TRMT9B: variants seen among roughly 807,000 people sequenced by gnomAD.
TRMT9B encodes tRNA methyltransferase 9B (putative).
Under a neutral mutation model 11.5 loss-of-function variants are expected in TRMT9B, and 16 were observed. That is an observed-to-expected ratio of 1.39 (90% CI 0.94 to 2.11). TRMT9B has a LOEUF of 2.11. Among genes scored for constraint, TRMT9B ranks in the 30% most tolerant of loss-of-function variants. The probability of loss-of-function intolerance (pLI) is 0.00; values close to 1 mark genes in which losing one functional copy is unlikely to be tolerated. For missense variants in TRMT9B, 941 were observed against 553.8 expected, an observed-to-expected ratio of 1.70 and a Z score of -7.02; for synonymous variants, 274 against 192.4, an observed-to-expected ratio of 1.42 and a Z score of -3.51.
rs891152153 is a variant in TRMT9B, at chr8:13,021,665, C to A, written c.986C>A (p.Thr329Asn). ...TTGGAGTGGCTGAGAGCACCAGGCA[C>A]TCTGAAACATTTAAATGGAGACCAT... Reference protein sequence around the residue: ...KHLEWLRAPGTLKHLNGDHQG... With the variant: ...KHLEWLRAPGNLKHLNGDHQG... The change falls in exon 5 of 5, where the codon ACT becomes AAT. Residue 329 changes from threonine to asparagine, a missense_variant. Thr to Asn is a moderately conservative substitution (Grantham distance 65, BLOSUM62 0). Transcript: ENST00000524591. The A allele has an allele frequency of 1.2e-6, 2 of 1,613,664 alleles. No homozygotes were observed. Among genetic ancestry groups the A allele is most frequent in the Non-Finnish European group, 1.7e-6 (2 of 1,179,856 alleles).
At chr8:12,971,286 C>G (rs1019663020) in intron 1 of TRMT9B, among the ~76,000 whole-genome samples, 1 of 147,766 alleles carries the variant, frequency 6.8e-6, no homozygotes, top group African/African-American at 2.5e-5. Flanking sequence ...TTTGATATTT[C>G]TTTATTTCTA....
chr8:12,960,810 G>A (rs1428314126), intron 1 of TRMT9B, among the ~76,000 whole-genome samples: 1 of 152,096 alleles, frequency 6.6e-6, no homozygotes. Flanking sequence ...CGAGTGTGGG[G>A]GTAAGAGAAG....
intron 4 of TRMT9B, among the ~76,000 whole-genome samples, chr8:13,013,683 C>T (rs895644421): frequency 6.6e-6 from 1 of 152,124 alleles, no homozygotes; most frequent in African/African-American, 2.4e-5. Flanking sequence ...CCGGGTGCAG[C>T]GGCTCATGCC....
At chr8:12,958,291 T>C (rs752719526) in intron 1 of TRMT9B, 1 of 152,232 alleles carries the variant, frequency 6.6e-6, no homozygotes, top group Non-Finnish European at 1.5e-5. Context: ...CTGCCGTGAA[T>C]ATGAGTGTAC....
intron 1 of TRMT9B, among the ~76,000 whole-genome samples, chr8:12,973,901 T>C (rs1804015471): frequency 6.6e-6 from 1 of 152,194 alleles, no homozygotes; most frequent in Admixed American, 6.5e-5. Flanking sequence ...GGCTCATACC[T>C]GTAATCCTAG....
rs887558632 is a variant in TRMT9B, at chr8:13,002,838, T to C, written c.-1-3364T>C. ...CCCAAGTACTTCCCACTTCCCAGGA[T>C]AGGGGTAGAGGTGCGGGGACAGAGG... On this transcript the variant is annotated intron_variant, in intron 2 of 4. Transcript: ENST00000524591. Among the ~76,000 whole-genome samples, 40 of 152,182 alleles carry C rather than the reference T, an allele frequency of 2.6e-4. 1 individual carries two copies. Among genetic ancestry groups the C allele is most frequent in the African/African-American group, 9.2e-4 (38 of 41,524 alleles).
chr8:12,999,290 C>T (rs57093364), intron 2 of TRMT9B, among the ~76,000 whole-genome samples: 43,352 of 132,388 alleles, frequency 0.33, 7,512 homozygotes, highest in Middle Eastern at 0.56. Context: ...CAGAGGGAGA[C>T]TCCATCTCAA....
At position 12,959,034 on chromosome 8, in the gene TRMT9B, T is replaced by C. The variant is rs533918510; in HGVS notation, c.-200+13068T>C. On this transcript the variant is annotated intron_variant, in intron 1 of 4. Coordinates refer to ENST00000524591, the MANE Select transcript of TRMT9B (RefSeq NM_020844.3). ...GTGCAGCAAACCAACATGGCACATG[T>C]ATACCTATGTAACAAACCTGCATGT... Among the ~76,000 whole-genome samples the C allele has an allele frequency of 2.0e-5, 3 of 152,236 alleles. No homozygotes were observed. The South Asian group carries it at 6.2e-4, about 32-fold the overall frequency.
At chr8:12,950,050 C>T (rs1481757208) in intron 1 of TRMT9B, among the ~76,000 whole-genome samples, 1 of 152,104 alleles carries the variant, frequency 6.6e-6, no homozygotes, top group African/African-American at 2.4e-5. Context: ...AATGAGGTTT[C>T]ACTATGTTGC....
intron 3 of TRMT9B, chr8:13,011,616 A>T (rs1302854495): frequency 3.1e-6 from 3 of 964,454 alleles, no homozygotes; most frequent in African/African-American, 3.5e-5. Context: ...AAGGTGGTTT[A>T]TTCATTCATG....
chr8:12,984,692 C>A (rs1008008802), intron 1 of TRMT9B, among the ~76,000 whole-genome samples: 2 of 152,144 alleles, frequency 1.3e-5, no homozygotes, highest in Non-Finnish European at 2.9e-5. Context: ...TTTTGTCAAA[C>A]TGACACCAGC....
At chr8:12,989,545 C>G (rs1374326706) in intron 1 of TRMT9B, among the ~76,000 whole-genome samples, 2 of 152,134 alleles carry the variant, frequency 1.3e-5, no homozygotes, top group African/African-American at 4.8e-5. Flanking sequence ...CATTGGTACT[C>G]TTACTGATGG....
At position 13,026,877 on chromosome 8, in the gene TRMT9B, C is replaced by T. The variant is rs1167893146; in HGVS notation, c.*4833C>T. 6.0e-6 allele frequency: 1 copy of T among 167,038 alleles called. No individual in the cohort carries two copies. The highest frequency in any genetic ancestry group is 1.5e-5 in the Non-Finnish European group (1 of 68,110). The allele number at this position is 167,038 out of a possible 1,614,324, so 10.3% of individuals were successfully genotyped here. On this transcript the variant is annotated 3_prime_UTR_variant, in exon 5 of 5. Transcript: ENST00000524591. ...TGTGATTATCCCCTTTCCAAATGAG[C>T]TTTGGAAAAGTTTAAGCAAAGATTA...
At chr8:12,954,886 G>T (rs978320355) in intron 1 of TRMT9B, among the ~76,000 whole-genome samples, 1 of 152,154 alleles carries the variant, frequency 6.6e-6, no homozygotes, top group Admixed American at 6.5e-5. Flanking sequence ...AGATCACCTG[G>T]ATTAAAAAGC....
rs1489965454 is a variant in TRMT9B, at chr8:13,021,966, A to G, written c.1287A>G (p.Ser429=). The G allele has an allele frequency of 2.5e-6, 4 of 1,613,716 alleles. No homozygotes were observed. Among genetic ancestry groups the G allele is most frequent in the Admixed American group, 1.7e-5 (1 of 59,994 alleles). ...GCAGTCTGCTCAAGGAGAATGTGTC[A>G]GAGCTCCGTATCCTGAGTTCTGGGA... is the stretch of plus-strand genomic sequence containing the variant. ...ELCSLLKENV[S]ELRILSSGND... is the part of the protein sequence containing the mutation. The change falls in exon 5 of 5, where the codon TCA becomes TCG. Residue 429 remains serine, a synonymous_variant. Coordinates refer to ENST00000524591, the MANE Select transcript of TRMT9B (RefSeq NM_020844.3).
At position 13,025,783 on chromosome 8, in the gene TRMT9B, T is replaced by C. The variant is rs180973147; in HGVS notation, c.*3739T>C. 7.2e-4 allele frequency: 120 copies of C among 167,106 alleles called. No individual in the cohort carries two copies. Among genetic ancestry groups the C allele is most frequent in the African/African-American group, 2.8e-3 (115 of 41,596 alleles). The allele number at this position is 167,106 out of a possible 1,614,324, so 10.4% of individuals were successfully genotyped here. Reference sequence around the variant, plus strand: ...TTGGTTTCGTTCTCTTTTCTCATCATAGATCTCCGTGCAGAATAGTGCTAA... The same window carrying C: ...TTGGTTTCGTTCTCTTTTCTCATCACAGATCTCCGTGCAGAATAGTGCTAA... On this transcript the variant is annotated 3_prime_UTR_variant, in exon 5 of 5. Coordinates refer to ENST00000524591, the MANE Select transcript of TRMT9B (RefSeq NM_020844.3).
At position 13,029,482 on chromosome 8, in the gene TRMT9B, T is replaced by C. The variant is rs746417985; in HGVS notation, c.*7438T>C. 6 of 167,022 alleles carry C rather than the reference T, an allele frequency of 3.6e-5. No homozygotes were observed. Among genetic ancestry groups the C allele is most frequent in the Non-Finnish European group, 7.3e-5 (5 of 68,116 alleles). 10.3% of individuals were successfully genotyped at this position (167,022 alleles called of 1,614,324 possible). On this transcript the variant is annotated 3_prime_UTR_variant, in exon 5 of 5. Coordinates refer to ENST00000524591, the MANE Select transcript of TRMT9B (RefSeq NM_020844.3). ...TGGTGTAATTTGTGTGTTTATGATATGTATTCAATTATTTAAGTTAAGTAT... is the reference window on the plus strand; with the variant it reads ...TGGTGTAATTTGTGTGTTTATGATACGTATTCAATTATTTAAGTTAAGTAT...
chr8:13,012,639 A>G lies in TRMT9B; in HGVS notation c.155-45A>G, dbSNP rs200731092. 9.7e-6 allele frequency: 15 copies of G among 1,540,006 alleles called. No individual in the cohort carries two copies. The African/African-American group carries it at 1.9e-4, about 20-fold the overall frequency. On this transcript the variant is annotated intron_variant, in intron 3 of 4. Transcript: ENST00000524591. ...TTATGAGACAAATGAAGTATTTCAC[A>G]TTTTCCATTGAGGATAGCATGTAAC... is the stretch of plus-strand genomic sequence containing the variant.
intron 1 of TRMT9B, among the ~76,000 whole-genome samples, chr8:12,965,710 G>T (rs1297764720): frequency 6.6e-6 from 1 of 151,982 alleles, no homozygotes; most frequent in Non-Finnish European, 1.5e-5. Flanking sequence ...AGAAGTGGCA[G>T]CCGACAGCAA....
Sources: allele counts gnomAD v4.1 joint callset (sites outside exome capture counted in the v4.1 genomes callset), GRCh38; gene constraint gnomAD v4.1.1; transcripts MANE v1.5; gene names NCBI Gene and HGNC (gene_info 2026-07-23, HGNC 2026-07-21).